Variants in CSMD3 observed in about 807,000 individuals in gnomAD.
CSMD3 encodes CUB and Sushi multiple domains 3.
A neutral mutation model predicts 435.2 loss-of-function variants in CSMD3; 177 were observed. The observed-to-expected ratio is 0.41, with a 90% CI of 0.36 to 0.46. The LOEUF (loss-of-function observed/expected upper bound fraction) is 0.46. Among genes scored for constraint, CSMD3 ranks in the 20% least tolerant of loss-of-function variants. CSMD3 has a pLI of 0.34. For synonymous variants in CSMD3, 1,656 were observed against 1,520.5 expected (o/e 1.09, Z -2.07); for missense variants, 4,265 against 4,504.6 (o/e 0.95, Z 1.52).
chr8:113,351,093 G>T (rs552709516), intron 1 of CSMD3, among the ~76,000 whole-genome samples: 104 of 152,152 alleles, frequency 6.8e-4, no homozygotes, highest in African/African-American at 2.4e-3. Context: ...CACTCCATTA[G>T]TGTGCTTCCT....
At chr8:113,125,439 G>C (rs1324996237) in intron 4 of CSMD3, among the ~76,000 whole-genome samples, 1 of 151,976 alleles carries the variant, frequency 6.6e-6, no homozygotes, top group Non-Finnish European at 1.5e-5. Flanking sequence ...CATAGAGATG[G>C]AATTTAAAGT....
intron 22 of CSMD3, among the ~76,000 whole-genome samples, chr8:112,601,709 AT>A (rs1463979998): frequency 6.6e-6 from 1 of 152,172 alleles, no homozygotes; most frequent in African/African-American, 2.4e-5. Flanking sequence ...AGGCAATTCA[AT>A]TTAAACATAT....
At chr8:112,847,376 G>A (rs1354039486) in intron 11 of CSMD3, among the ~76,000 whole-genome samples, 1 of 152,006 alleles carries the variant, frequency 6.6e-6, no homozygotes, top group Non-Finnish European at 1.5e-5. Flanking sequence ...ATGATCATGG[G>A]GTGCAGAAGT....
At chr8:112,572,244 G>C (rs908799950) in intron 24 of CSMD3, among the ~76,000 whole-genome samples, 1 of 151,966 alleles carries the variant, frequency 6.6e-6, no homozygotes. Context: ...AGACTCATAA[G>C]AAATCACATT....
At chr8:112,234,081 G>GCA (rs112920726) in intron 68 of CSMD3, among the ~76,000 whole-genome samples, 2,822 of 149,426 alleles carry the variant, frequency 0.019, 24 homozygotes, top group Non-Finnish European at 0.023. Context: ...ATGCAGATCA[G>GCA]CACACACACA....
chr8:113,172,396 GCAA>G (rs2092282680), intron 4 of CSMD3, among the ~76,000 whole-genome samples: 1 of 152,106 alleles, frequency 6.6e-6, no homozygotes, highest in Non-Finnish European at 1.5e-5. Context: ...AATATTAGTA[GCAA>G]CACCAGCAGT....
At chr8:112,816,061 G>A (rs2132411201) in intron 12 of CSMD3, among the ~76,000 whole-genome samples, 1 of 152,160 alleles carries the variant, frequency 6.6e-6, no homozygotes, top group South Asian at 2.1e-4. Flanking sequence ...TCCCTAGGTG[G>A]GACTACAGAG....
chr8:112,860,925 T>C (rs945199360), intron 10 of CSMD3, among the ~76,000 whole-genome samples: 2 of 151,910 alleles, frequency 1.3e-5, no homozygotes, highest in African/African-American at 4.8e-5. Flanking sequence ...AGGACATTTC[T>C]GTGTTGATAG....
chr8:112,727,726 T>C (rs1234745213), intron 13 of CSMD3, among the ~76,000 whole-genome samples: 2 of 151,900 alleles, frequency 1.3e-5, no homozygotes, highest in African/African-American at 2.4e-5. Context: ...GGATTGATTA[T>C]TGATCTATTT....
chr8:113,386,669 A>G (rs180783483), intron 1 of CSMD3, among the ~76,000 whole-genome samples: 1 of 151,994 alleles, frequency 6.6e-6, no homozygotes, highest in East Asian at 1.9e-4. Context: ...CTCAATGGCA[A>G]TCATAGCAAT....
intron 1 of CSMD3, among the ~76,000 whole-genome samples, chr8:113,418,158 A>G (rs891767758): frequency 1.3e-5 from 2 of 152,148 alleles, no homozygotes; most frequent in Non-Finnish European, 2.9e-5. Flanking sequence ...GGGAGATCGA[A>G]TATGCATAAA....
chr8:113,406,333 A>C (rs2094532644), intron 1 of CSMD3, among the ~76,000 whole-genome samples: 1 of 151,888 alleles, frequency 6.6e-6, no homozygotes, highest in Admixed American at 6.6e-5. Context: ...GGTAACACTA[A>C]TTTTATCTAG....
intron 29 of CSMD3, among the ~76,000 whole-genome samples, chr8:112,504,504 A>G (rs1453594477): frequency 1.3e-5 from 2 of 152,170 alleles, no homozygotes; most frequent in Non-Finnish European, 2.9e-5. Flanking sequence ...AAGTTGAAAT[A>G]TATTATTTAC....
intron 31 of CSMD3, among the ~76,000 whole-genome samples, chr8:112,477,436 C>T (rs1819165473): frequency 1.3e-5 from 2 of 152,192 alleles, no homozygotes; most frequent in Admixed American, 6.5e-5. Context: ...AATGTTGGTG[C>T]CATGCCCCCC....
intron 59 of CSMD3, among the ~76,000 whole-genome samples, chr8:112,274,164 T>A (rs1817803755): frequency 6.9e-6 from 1 of 145,656 alleles, no homozygotes; most frequent in African/African-American, 2.5e-5. Context: ...CAACGTGGAG[T>A]AACAAGGAAG....
chr8:113,365,153 T>C (rs189332961), intron 1 of CSMD3, among the ~76,000 whole-genome samples: 2 of 152,132 alleles, frequency 1.3e-5, no homozygotes, highest in East Asian at 1.9e-4. Context: ...TGACTTTTCA[T>C]GGAAATTAGA....
At chr8:112,409,566 T>C (rs1046004118) in intron 32 of CSMD3, among the ~76,000 whole-genome samples, 9 of 152,022 alleles carry the variant, frequency 5.9e-5, no homozygotes, top group African/African-American at 2.2e-4. Flanking sequence ...ATATTCTAAG[T>C]TTTAAATGAT....
rs188509289 is a variant in CSMD3, at chr8:113,178,868, G to C, written c.515-4952C>G. On this transcript the variant is annotated intron_variant, in intron 3 of 70. Transcript: ENST00000297405. ...AAGGCTTGATCATAGATGGCTTCAC[G>C]CAGTGATGTATATCCTTTTCATAGG... 3.2e-4 allele frequency among the ~76,000 whole-genome samples: 48 copies of C among 151,954 alleles called. 1 individual carries two copies. Among genetic ancestry groups the C allele is most frequent in the Admixed American group, 2.9e-3 (44 of 15,224 alleles).
intron 1 of CSMD3, among the ~76,000 whole-genome samples, chr8:113,387,433 T>G (rs2094443854): frequency 1.3e-5 from 2 of 151,802 alleles, no homozygotes; most frequent in African/African-American, 4.8e-5. Flanking sequence ...GTCTTTCAAG[T>G]ACCACATGAG....
Sources: gnomAD v4.1 joint callset for allele counts (sites outside exome capture counted in the v4.1 genomes callset) on GRCh38, gnomAD v4.1.1 for gene constraint, MANE v1.5 for transcripts, NCBI Gene and HGNC (gene_info 2026-07-23, HGNC 2026-07-21) for gene names.